Variants in RGPD2 observed in about 807,000 individuals in gnomAD.
RGPD2 encodes RANBP2-like and GRIP domain-containing protein 2.
Under a neutral mutation model 36.0 loss-of-function variants are expected in RGPD2, and 2 were observed. The observed-to-expected ratio is 0.06, with a 90% CI of 0.02 to 0.17. The LOEUF (loss-of-function observed/expected upper bound fraction) is 0.17. RGPD2 is among the 10% of genes least tolerant of loss of function. RGPD2 has a pLI of 1.00. For synonymous variants in RGPD2, 19 were observed against 163.8 expected (o/e 0.12, Z 6.75); for missense variants, 40 against 464.3 (o/e 0.09, Z 8.40).
At chr2:87,902,200 T>A in the RGPD2 span, among the ~76,000 whole-genome samples, 1 of 151,562 alleles carries the variant, frequency 6.6e-6, no homozygotes, top group South Asian at 2.1e-4. Context: ...TAATTTTCCC[T>A]CAGATGGCCA....
chr2:87,883,998 T>C, the RGPD2 span, among the ~76,000 whole-genome samples: 2 of 151,872 alleles, frequency 1.3e-5, no homozygotes, highest in African/African-American at 4.8e-5. Flanking sequence ...GATATACGTT[T>C]TTCTCAAGTG....
the RGPD2 span, among the ~76,000 whole-genome samples, chr2:87,942,162 CA>C: frequency 1.7e-5 from 1 of 58,098 alleles, no homozygotes; most frequent in East Asian, 4.7e-4. Context: ...ATCACATATT[CA>C]CAGTGGAAAA....
At chr2:87,978,168 A>C in the RGPD2 span, among the ~76,000 whole-genome samples, 1 of 151,608 alleles carries the variant, frequency 6.6e-6, no homozygotes, top group Non-Finnish European at 1.5e-5. Context: ...AACTAAAATA[A>C]AAAATTCTGC....
chr2:87,856,909 T>C, the RGPD2 span, among the ~76,000 whole-genome samples: 2 of 151,830 alleles, frequency 1.3e-5, no homozygotes, highest in African/African-American at 2.4e-5. Flanking sequence ...CATCAAACAA[T>C]AGGGCTTTGA....
chr2:87,921,560 T>C, the RGPD2 span, among the ~76,000 whole-genome samples: 7 of 152,180 alleles, frequency 4.6e-5, no homozygotes, highest in Non-Finnish European at 8.8e-5. Context: ...TAATATCACA[T>C]GGCAAAAGAC....
At chr2:87,824,742 GGCCGCC>G (rs1329887497) in intron 1 of RGPD2, among the ~76,000 whole-genome samples, 7 of 87,690 alleles carry the variant, frequency 8.0e-5, no homozygotes, top group South Asian at 3.8e-4. Flanking sequence ...GCCAGGCCGA[GGCCGCC>G]GCCGCCGCCG....
chr2:87,924,879 AT>A, the RGPD2 span, among the ~76,000 whole-genome samples: 1 of 80,198 alleles, frequency 1.2e-5, no homozygotes, highest in African/African-American at 5.8e-5. Context: ...TTATTTATTT[AT>A]TTTAATTTAT....
chr2:87,781,464 GTT>G (rs879124297), intron 20 of RGPD2, among the ~76,000 whole-genome samples: 2 of 112,608 alleles, frequency 1.8e-5, no homozygotes, highest in Middle Eastern at 4.5e-3. Context: ...TTGTTTTTTT[GTT>G]TTTTTTTTTT....
chr2:87,839,799 T>C, the RGPD2 span, among the ~76,000 whole-genome samples: 3 of 151,890 alleles, frequency 2.0e-5, no homozygotes, highest in Non-Finnish European at 4.4e-5. Context: ...AGGGTGAGGA[T>C]TGAAAATCCA....
the RGPD2 span, among the ~76,000 whole-genome samples, chr2:87,845,949 TTTC>T: frequency 3.3e-5 from 5 of 151,758 alleles, no homozygotes; most frequent in Non-Finnish European, 7.4e-5. Context: ...GTGATTTTAT[TTTC>T]TTAATGATTA....
chr2:87,844,385 T>C, the RGPD2 span, among the ~76,000 whole-genome samples: 1 of 151,734 alleles, frequency 6.6e-6, no homozygotes, highest in Non-Finnish European at 1.5e-5. Flanking sequence ...AAGTACCTTT[T>C]CTTATCTATT....
the RGPD2 span, among the ~76,000 whole-genome samples, chr2:87,979,816 TG>T: frequency 1.5e-5 from 2 of 136,668 alleles, no homozygotes; most frequent in African/African-American, 5.6e-5. Flanking sequence ...ACCCAGGAGG[TG>T]GTGAGCCAAC....
chr2:87,830,759 G>T (rs978595210), upstream of RGPD2, among the ~76,000 whole-genome samples: 5 of 152,184 alleles, frequency 3.3e-5, no homozygotes, highest in African/African-American at 1.2e-4. Flanking sequence ...AAGAGAGCAT[G>T]TGCAGGGGAA....
chr2:87,913,236 C>G, the RGPD2 span, among the ~76,000 whole-genome samples: 1 of 151,744 alleles, frequency 6.6e-6, no homozygotes. Flanking sequence ...AGTTCATGTC[C>G]TTTGTAGGGA....
the RGPD2 span, among the ~76,000 whole-genome samples, chr2:87,939,472 G>T: frequency 1.3e-5 from 2 of 151,908 alleles, no homozygotes; most frequent in African/African-American, 4.8e-5. Flanking sequence ...TCAGGGTCAC[G>T]TGTTGTCCCT....
At chr2:87,853,404 T>TGTAGAGACA in the RGPD2 span, among the ~76,000 whole-genome samples, 7 of 152,096 alleles carry the variant, frequency 4.6e-5, no homozygotes, top group Admixed American at 4.6e-4. Context: ...TTTAAATTTT[T>TGTAGAGACA]GTAGAGACAG....
In RGPD2 at chr2:87,760,780, G is replaced by A. The variant is rs1292108264; in HGVS notation, c.5237-3354C>T. Among the ~76,000 whole-genome samples, 5 of 58,464 alleles carry A rather than the reference G, an allele frequency of 8.6e-5. No homozygotes were observed. In the Admixed American group the frequency reaches 8.6e-4, roughly 10 times the overall value. The allele number at this position is 58,464 out of a possible 152,430, so 38.4% of individuals were successfully genotyped here. ...CTACAGGCGCCTGCCACCACGCCCC[G>A]CTAATTTTTTGTATTTTTAGTAGAG... On this transcript the variant is annotated intron_variant, in intron 22 of 22. Coordinates refer to ENST00000398146, the MANE Select transcript of RGPD2 (RefSeq NM_001078170.3).
the RGPD2 span, among the ~76,000 whole-genome samples, chr2:87,911,667 T>C: frequency 4.6e-5 from 7 of 152,096 alleles, no homozygotes; most frequent in African/African-American, 1.7e-4. Flanking sequence ...AACAGGAGTG[T>C]TTGACAGAAG....
At chr2:87,954,040 GCTAT>G in the RGPD2 span, among the ~76,000 whole-genome samples, 2 of 102,316 alleles carry the variant, frequency 2.0e-5, no homozygotes, top group Non-Finnish European at 3.9e-5. Flanking sequence ...TATCTAAGCA[GCTAT>G]CTAACATTTT....
Sources: gnomAD v4.1 joint callset for allele counts (sites outside exome capture counted in the v4.1 genomes callset) on GRCh38, gnomAD v4.1.1 for gene constraint, MANE v1.5 for transcripts, NCBI Gene and HGNC (gene_info 2026-07-23, HGNC 2026-07-21) for gene names.